The following FMN1 variants were observed in gnomAD, a reference collection of about 807,000 sequenced individuals.
FMN1 encodes formin-1.
In FMN1, 110 loss-of-function variants were observed where a neutral mutation model predicts 132.4. That is an observed-to-expected ratio of 0.83 (90% CI 0.71 to 0.97). FMN1 has a LOEUF of 0.97. Among genes scored for constraint, FMN1 ranks in the 50% least tolerant of loss-of-function variants. The probability of loss-of-function intolerance (pLI) is 0.00; values close to 1 mark genes in which losing one functional copy is unlikely to be tolerated. For synonymous variants in FMN1, 722 were observed against 651.7 expected (o/e 1.11, Z -1.64); for missense variants, 1,792 against 1,705.3 (o/e 1.05, Z -0.90).
chr15:33,102,775 G>C (rs546015433), intron 4 of FMN1, among the ~76,000 whole-genome samples: 3 of 151,962 alleles, frequency 2.0e-5, no homozygotes, highest in African/African-American at 7.2e-5. Flanking sequence ...GACTGACATT[G>C]GTTTTATTTC....
chr15:32,823,159 T>TG (rs2058269976), intron 17 of FMN1, among the ~76,000 whole-genome samples: 1 of 70,298 alleles, frequency 1.4e-5, no homozygotes, highest in Non-Finnish European at 3.1e-5. Flanking sequence ...ACTGTTTTTT[T>TG]TTTTTTTTTT....
At chr15:33,060,894 C>T (rs939990101) in intron 6 of FMN1, among the ~76,000 whole-genome samples, 1 of 152,204 alleles carries the variant, frequency 6.6e-6, no homozygotes, top group Admixed American at 6.5e-5. Context: ...AACCTCACTT[C>T]CCCTGAGGAT....
intron 5 of FMN1, chr15:33,068,148 C>T (rs1566886570): frequency 1.6e-6 from 1 of 617,844 alleles, no homozygotes; most frequent in Non-Finnish European, 2.4e-6. Flanking sequence ...CACCTTACTA[C>T]ACACGGACCA....
chr15:32,998,111 C>T (rs577257808), intron 7 of FMN1, among the ~76,000 whole-genome samples: 1 of 152,244 alleles, frequency 6.6e-6, no homozygotes, highest in South Asian at 2.1e-4. Flanking sequence ...AGCATCCATG[C>T]TTTATTTGAA....
chr15:33,150,815 C>T (rs1469667412), intron 4 of FMN1: 20 of 987,126 alleles, frequency 2.0e-5, no homozygotes, highest in Non-Finnish European at 2.3e-5. Flanking sequence ...TGTCCACAGA[C>T]CATAAACTTA....
At chr15:32,792,174 C>G (rs1300692420) in intron 19 of FMN1, among the ~76,000 whole-genome samples, 1 of 146,582 alleles carries the variant, frequency 6.8e-6, no homozygotes, top group Non-Finnish European at 1.5e-5. Flanking sequence ...CCATTGGTGT[C>G]AAAAACTAGC....
Position 33,003,246 on chromosome 15 carries a change from G to C in FMN1, c.2223+4768C>G, listed in dbSNP as rs577322954. ...AAATAAAGGGCATTCAATAGGAAAA[G>C]AGAAAGTCAAATTGTCCCTGTTTGC... On this transcript the variant is annotated intron_variant, in intron 7 of 20. Coordinates refer to ENST00000616417, the MANE Select transcript of FMN1 (RefSeq NM_001277313.2). Among the ~76,000 whole-genome samples the C allele has an allele frequency of 1.3e-4, 20 of 152,352 alleles. No homozygotes were observed. The South Asian group carries it at 4.1e-3, about 32-fold the overall frequency.
intron 17 of FMN1, among the ~76,000 whole-genome samples, chr15:32,821,341 C>T (rs1467916498): frequency 6.6e-6 from 1 of 151,826 alleles, no homozygotes; most frequent in Non-Finnish European, 1.5e-5. Flanking sequence ...TTTACTTTTT[C>T]ACCTTTTCCT....
rs929304997 is a variant in FMN1, at chr15:33,154,564, C to T, written c.351G>A (p.Gly117=). ...ILGITMGNQE[G]KLQELSVSLA... is the part of the protein sequence containing the mutation. Reference sequence around the variant, plus strand: ...GGCTCACGGACAGCTCTTGCAGCTTCCCCTCCTGGTTCCCCATCGTGATCC... The same window carrying T: ...GGCTCACGGACAGCTCTTGCAGCTTTCCCTCCTGGTTCCCCATCGTGATCC... Residue 117 remains glycine, a synonymous_variant, in exon 4 of 21, where the codon GGG becomes GGA. Transcript: ENST00000616417. The T allele has an allele frequency of 4.1e-5, 63 of 1,536,006 alleles. No homozygotes were observed. Among genetic ancestry groups the T allele is most frequent in the African/African-American group, 6.8e-5 (5 of 73,040 alleles).
chr15:32,814,980 T>C (rs1314228504), intron 17 of FMN1, among the ~76,000 whole-genome samples: 3 of 152,134 alleles, frequency 2.0e-5, no homozygotes, highest in Non-Finnish European at 4.4e-5. Flanking sequence ...TCTCGCTCTG[T>C]CGCCCAGACT....
At chr15:33,022,491 A>G (rs888599420) in intron 6 of FMN1, among the ~76,000 whole-genome samples, 3 of 152,252 alleles carry the variant, frequency 2.0e-5, no homozygotes, top group Non-Finnish European at 4.4e-5. Context: ...TGATGTTACT[A>G]AAAAAGTTAA....
At chr15:33,127,958 G>A (rs1963264710) in intron 4 of FMN1, among the ~76,000 whole-genome samples, 2 of 152,092 alleles carry the variant, frequency 1.3e-5, no homozygotes, top group Admixed American at 6.6e-5. Context: ...CAGGAGAAAG[G>A]AAAGAAAGGG....
chr15:33,022,780 G>T (rs1373492490), intron 6 of FMN1, among the ~76,000 whole-genome samples: 2 of 152,084 alleles, frequency 1.3e-5, no homozygotes, highest in Non-Finnish European at 2.9e-5. Context: ...CAGCACTAAC[G>T]TGGGGCAGGA....
intron 16 of FMN1, among the ~76,000 whole-genome samples, chr15:32,886,999 A>G (rs902781024): frequency 2.7e-5 from 4 of 148,072 alleles, no homozygotes; most frequent in South Asian, 2.1e-4. Flanking sequence ...TCAATGGGAG[A>G]AAAAAAACCC....
chr15:33,071,612 T>C (rs569396306), intron 5 of FMN1, among the ~76,000 whole-genome samples: 71 of 152,298 alleles, frequency 4.7e-4, no homozygotes, highest in African/African-American at 1.6e-3. Flanking sequence ...CTAATAGTAA[T>C]AGCTAGACCT....
Position 32,984,062 on chromosome 15 carries a change from C to T in FMN1, c.2224-14585G>A, listed in dbSNP as rs138549295. ...CCTGTCTCTACAGCCTGTTTTCTAC[C>T]GCATTATACTTATGATGAGTGTGAT... On this transcript the variant is annotated intron_variant, in intron 7 of 20. Transcript: ENST00000616417. Among the ~76,000 whole-genome samples, 520 of 152,118 alleles carry T rather than the reference C, an allele frequency of 3.4e-3. 3 individuals carry two copies. Among genetic ancestry groups the T allele is most frequent in the African/African-American group, 0.012 (498 of 41,506 alleles).
chr15:32,982,402 T>C (rs1347630485), intron 7 of FMN1, among the ~76,000 whole-genome samples: 3 of 152,132 alleles, frequency 2.0e-5, no homozygotes, highest in Non-Finnish European at 4.4e-5. Flanking sequence ...CAACTATCGA[T>C]CCCACTCCTA....
intron 16 of FMN1, among the ~76,000 whole-genome samples, chr15:32,860,036 GGAAAGAAA>G (rs2059228426): frequency 6.7e-6 from 1 of 149,410 alleles, no homozygotes; most frequent in Non-Finnish European, 1.5e-5. Context: ...AGACAAGAAA[GGAAAGAAA>G]GAATGAAAGA....
intron 12 of FMN1, among the ~76,000 whole-genome samples, chr15:32,906,908 C>G (rs1229632226): frequency 6.6e-6 from 1 of 152,148 alleles, no homozygotes; most frequent in Non-Finnish European, 1.5e-5. Context: ...CATGTGAGAG[C>G]AAGTCATCCA....
Sources: allele counts gnomAD v4.1 joint callset (sites outside exome capture counted in the v4.1 genomes callset), GRCh38; gene constraint gnomAD v4.1.1; transcripts MANE v1.5; gene names NCBI Gene and HGNC (gene_info 2026-07-23, HGNC 2026-07-21).